The following AGMO variants were observed in gnomAD, a reference collection of about 807,000 sequenced individuals.
The protein encoded by AGMO is glyceryl-ether monooxygenase.
In AGMO, 75 loss-of-function variants were observed where a neutral mutation model predicts 60.2. That is an observed-to-expected ratio of 1.25 (90% CI 1.03 to 1.51). The LOEUF (loss-of-function observed/expected upper bound fraction) is 1.51. Among genes scored for constraint, AGMO ranks in the 40% most tolerant of loss-of-function variants. The probability of loss-of-function intolerance (pLI) is 0.00; values close to 1 mark genes in which losing one functional copy is unlikely to be tolerated. For missense variants in AGMO, 763 were observed against 525.5 expected, an observed-to-expected ratio of 1.45 and a Z score of -4.42; for synonymous variants, 261 against 177.1, an observed-to-expected ratio of 1.47 and a Z score of -3.76.
At chr7:15,454,368 C>CACAG (rs1351147004) in intron 3 of AGMO, among the ~76,000 whole-genome samples, 4 of 107,332 alleles carry the variant, frequency 3.7e-5, no homozygotes, top group Non-Finnish European at 7.8e-5. Flanking sequence ...CACACACACA[C>CACAG]ACACACACAC....
intron 12 of AGMO, among the ~76,000 whole-genome samples, chr7:15,245,209 A>T (rs1385857750): frequency 6.6e-6 from 1 of 152,114 alleles, no homozygotes; most frequent in South Asian, 2.1e-4. Context: ...TTCTTTGACT[A>T]CAATGAAAGA....
intron 12 of AGMO, among the ~76,000 whole-genome samples, chr7:15,245,138 T>TAG (rs983055891): frequency 6.6e-5 from 10 of 152,346 alleles, no homozygotes; most frequent in African/African-American, 2.4e-4. Context: ...TCCAGTACCC[T>TAG]AGTAGATTAG....
the AGMO span, among the ~76,000 whole-genome samples, chr7:15,148,840 G>T: frequency 6.6e-6 from 1 of 152,194 alleles, no homozygotes; most frequent in African/African-American, 2.4e-5. Flanking sequence ...ATATACCCAG[G>T]AATTGGATTA....
intron 12 of AGMO, among the ~76,000 whole-genome samples, chr7:15,223,710 TC>T (rs1781988780): frequency 1.3e-5 from 2 of 151,982 alleles, no homozygotes; most frequent in African/African-American, 4.8e-5. Flanking sequence ...CAATGCATAG[TC>T]TCTGAAGTAC....
chr7:15,299,965 T>A (rs113970587), intron 12 of AGMO, among the ~76,000 whole-genome samples: 1 of 151,214 alleles, frequency 6.6e-6, no homozygotes, highest in East Asian at 1.9e-4. Context: ...TATGGGCAAA[T>A]AGTTACAGAG....
chr7:15,123,460 G>GA, the AGMO span, among the ~76,000 whole-genome samples: 1,100 of 149,070 alleles, frequency 7.4e-3, 12 homozygotes, highest in African/African-American at 0.025. Context: ...ATTTGCGAAT[G>GA]AAAAAAAAAT....
intron 12 of AGMO, among the ~76,000 whole-genome samples, chr7:15,218,123 A>T (rs950158892): frequency 6.6e-6 from 1 of 152,148 alleles, no homozygotes; most frequent in Non-Finnish European, 1.5e-5. Context: ...AATGCTGTAG[A>T]TGATAAAAAT....
At chr7:15,522,989 C>A (rs890829134) in intron 3 of AGMO, among the ~76,000 whole-genome samples, 3 of 152,068 alleles carry the variant, frequency 2.0e-5, no homozygotes, top group Non-Finnish European at 1.5e-5. Context: ...AGAACTTAAA[C>A]AAATTTACAA....
At chr7:15,334,452 G>A (rs1421606074) in intron 12 of AGMO, among the ~76,000 whole-genome samples, 2 of 151,932 alleles carry the variant, frequency 1.3e-5, no homozygotes, top group Non-Finnish European at 2.9e-5. Context: ...TGACTAAAAC[G>A]TAGGTGATTA....
chr7:15,387,108 G>A (rs554337264), intron 9 of AGMO, among the ~76,000 whole-genome samples: 24 of 152,260 alleles, frequency 1.6e-4, no homozygotes, highest in African/African-American at 5.8e-4. Context: ...ATGTATTTGT[G>A]AAGTTATGCC....
At chr7:15,441,004 C>G (rs1464091067) in intron 3 of AGMO, among the ~76,000 whole-genome samples, 7 of 152,134 alleles carry the variant, frequency 4.6e-5, no homozygotes, top group Non-Finnish European at 1.0e-4. Flanking sequence ...CTTCCTTAGC[C>G]CTAGGCCATG....
At chr7:15,195,983 T>C (rs1427221240), downstream of AGMO, among the ~76,000 whole-genome samples, 1 of 151,930 alleles carries the variant, frequency 6.6e-6, no homozygotes, top group Non-Finnish European at 1.5e-5. Context: ...GTATTTACAT[T>C]TTCTGGCTCA....
intron 3 of AGMO, among the ~76,000 whole-genome samples, chr7:15,522,266 C>T (rs531035891): frequency 6.6e-6 from 1 of 152,180 alleles, no homozygotes; most frequent in South Asian, 2.1e-4. Context: ...TGAAAATGGC[C>T]ATACTGCCCA....
At chr7:15,163,195 T>G in the AGMO span, among the ~76,000 whole-genome samples, 1 of 152,184 alleles carries the variant, frequency 6.6e-6, no homozygotes, top group Admixed American at 6.6e-5. Context: ...TTTACTGAAG[T>G]CATTTAACAA....
At chr7:15,371,305 C>G (rs976677897) in intron 10 of AGMO, among the ~76,000 whole-genome samples, 1 of 151,168 alleles carries the variant, frequency 6.6e-6, no homozygotes, top group Admixed American at 6.6e-5. Flanking sequence ...ACGACAACCT[C>G]CCTTTCCAGC....
intron 3 of AGMO, among the ~76,000 whole-genome samples, chr7:15,544,243 T>C (rs1784709428): frequency 6.6e-6 from 1 of 151,700 alleles, no homozygotes; most frequent in Admixed American, 6.6e-5. Flanking sequence ...TGGCAAAGGA[T>C]AAAAGATTAC....
chr7:15,238,060 T>G (rs1455138799), intron 12 of AGMO, among the ~76,000 whole-genome samples: 3 of 152,006 alleles, frequency 2.0e-5, no homozygotes, highest in Non-Finnish European at 4.4e-5. Flanking sequence ...TGACCTACAG[T>G]GCATTTCTAT....
Position 15,237,404 on chromosome 7 carries a change from A to G in AGMO, c.1264-36045T>C, listed in dbSNP as rs1043769614. On this transcript the variant is annotated intron_variant, in intron 12 of 12. Coordinates refer to ENST00000342526, the MANE Select transcript of AGMO (RefSeq NM_001004320.2). ...CTGTGTTTGTCATTTATGGAATAAG[A>G]AAGGTCTAGTGACCCTTTAAGATTT... Among the ~76,000 whole-genome samples the G allele has an allele frequency of 4.6e-5, 7 of 152,216 alleles. No individual in the cohort carries two copies. The East Asian group carries it at 7.7e-4, about 17-fold the overall frequency.
intron 10 of AGMO, among the ~76,000 whole-genome samples, chr7:15,371,403 T>TC (rs1554262957): frequency 6.6e-6 from 1 of 151,434 alleles, no homozygotes; most frequent in Non-Finnish European, 1.5e-5. Flanking sequence ...TTTTTTTTTT[T>TC]CTTCGAGACA....
Sources: allele counts gnomAD v4.1 joint callset (sites outside exome capture counted in the v4.1 genomes callset), GRCh38; gene constraint gnomAD v4.1.1; transcripts MANE v1.5; gene names NCBI Gene and HGNC (gene_info 2026-07-23, HGNC 2026-07-21).